SDCCAG8: variants seen among roughly 807,000 people sequenced by gnomAD.
SDCCAG8 encodes SHH signaling and ciliogenesis regulator SDCCAG8.
SDCCAG8 carries 74 observed loss-of-function variants against 101.8 expected under a neutral mutation model. The ratio of observed to expected loss-of-function variants is 0.73; its 90% CI spans 0.60 to 0.88. The LOEUF (loss-of-function observed/expected upper bound fraction) is 0.88. SDCCAG8 is among the 40% of genes least tolerant of loss of function. The pLI is 0.00. For synonymous variants in SDCCAG8, 281 were observed against 292.9 expected (o/e 0.96, Z 0.41); for missense variants, 787 against 822.6 (o/e 0.96, Z 0.53).
At chr1:243,319,523 G>A (rs997854376) in intron 9 of SDCCAG8, among the ~76,000 whole-genome samples, 18 of 151,986 alleles carry the variant, frequency 1.2e-4, no homozygotes, top group African/African-American at 1.9e-4. Flanking sequence ...ACAGGCATGC[G>A]CCACCATGCC....
In SDCCAG8 at chr1:243,364,508, A is replaced by G. The variant is rs377701067; in HGVS notation, c.1474-14213A>G. 4.9e-4 allele frequency among the ~76,000 whole-genome samples: 74 copies of G among 152,290 alleles called. 1 individual carries two copies. Among genetic ancestry groups the G allele is most frequent in the African/African-American group, 1.7e-3 (71 of 41,572 alleles). On this transcript the variant is annotated intron_variant, in intron 12 of 17. Coordinates refer to ENST00000366541, the MANE Select transcript of SDCCAG8 (RefSeq NM_006642.5). ...CACCAAGGAGTAACAGAAACTGGGT[A>G]GGTAGGTAGGTAGAGAGAGGTGACC...
intron 6 of SDCCAG8, among the ~76,000 whole-genome samples, chr1:243,296,444 T>G (rs2070884720): frequency 6.6e-6 from 1 of 152,026 alleles, no homozygotes; most frequent in African/African-American, 2.4e-5. Context: ...CAAGCAGTTG[T>G]CTATATTTAT....
Position 243,474,670 on chromosome 1 carries a change from G to T in SDCCAG8, c.1986-14344G>T, listed in dbSNP as rs1486458822. 1.3e-5 allele frequency among the ~76,000 whole-genome samples: 2 copies of T among 152,222 alleles called. No individual in the cohort carries two copies. Among genetic ancestry groups the T allele is most frequent in the Non-Finnish European group, 2.9e-5 (2 of 68,038 alleles). On this transcript the variant is annotated intron_variant, in intron 16 of 17. Coordinates refer to ENST00000366541, the MANE Select transcript of SDCCAG8 (RefSeq NM_006642.5). The surrounding 1 kb of genome is among the most constrained non-coding windows in gnomAD (Gnocchi z 4.7). ...AGGCGCACGTGGAGCCCTGCGGTCT[G>T]TTCCACCTGCAGAGGCACAATTGCC...
intron 9 of SDCCAG8, among the ~76,000 whole-genome samples, chr1:243,320,678 A>T (rs1036980756): frequency 6.6e-6 from 1 of 152,136 alleles, no homozygotes; most frequent in African/African-American, 2.4e-5. Flanking sequence ...TCATCTGTAA[A>T]ATGGAGAAAT....
chr1:243,409,670 C>A (rs1055867211), intron 13 of SDCCAG8, among the ~76,000 whole-genome samples: 6 of 152,106 alleles, frequency 3.9e-5, no homozygotes, highest in African/African-American at 1.4e-4. Flanking sequence ...GTAGGAACCA[C>A]CTTGAAAGGG....
intron 16 of SDCCAG8, among the ~76,000 whole-genome samples, chr1:243,428,369 G>T (rs1232173308): frequency 6.6e-6 from 1 of 152,128 alleles, no homozygotes; most frequent in African/African-American, 2.4e-5. Context: ...CACTCTAATG[G>T]AGTATACATC....
intron 10 of SDCCAG8, among the ~76,000 whole-genome samples, chr1:243,338,086 A>G (rs2075134851): frequency 6.6e-6 from 1 of 151,874 alleles, no homozygotes; most frequent in Non-Finnish European, 1.5e-5. Flanking sequence ...TTGCCTGGCT[A>G]ACTAAAAAAA....
intron 3 of SDCCAG8, 100 bp downstream of exon 3, chr1:243,271,163 C>A: frequency 1.3e-6 from 1 of 792,690 alleles, no homozygotes; most frequent in Non-Finnish European, 2.2e-6. Flanking sequence ...GCATGGCATA[C>A]TAATAGTGAA....
Position 243,424,345 on chromosome 1 carries a change from T to A in SDCCAG8, c.1854-2082T>A, listed in dbSNP as rs183050745. On this transcript the variant is annotated intron_variant, in intron 15 of 17. Transcript: ENST00000366541. ...ACATCTACATTTTGTTTTATTATGA[T>A]TTTTTTCAAAATCAGAATGAATTTA... Among the ~76,000 whole-genome samples, 123 of 152,086 alleles carry A rather than the reference T, an allele frequency of 8.1e-4. 1 individual carries two copies. Among genetic ancestry groups the A allele is most frequent in the Non-Finnish European group, 1.6e-3 (112 of 67,890 alleles).
intron 17 of SDCCAG8, among the ~76,000 whole-genome samples, chr1:243,492,355 A>G (rs1666698652): frequency 8.6e-6 from 1 of 116,866 alleles, no homozygotes; most frequent in Admixed American, 1.3e-4. Context: ...GGACTGGAGT[A>G]CAGTGGTGCA....
At chr1:243,326,734 A>T (rs2074176106) in intron 9 of SDCCAG8, among the ~76,000 whole-genome samples, 2 of 152,204 alleles carry the variant, frequency 1.3e-5, no homozygotes, top group Admixed American at 1.3e-4. Context: ...ATTTTTCATA[A>T]GATCTTAATT....
At position 243,403,561 on chromosome 1, in the gene SDCCAG8, C is replaced by T. The variant is rs567043312; in HGVS notation, c.1617-12141C>T. Among the ~76,000 whole-genome samples the T allele has an allele frequency of 1.5e-3, 234 of 152,252 alleles. 1 individual carries two copies. The highest frequency in any genetic ancestry group is 2.4e-3 in the Non-Finnish European group (166 of 68,012). ...TATTTTTCATTCAAGAAAACTGAGT[C>T]GTAGGTTATGTGACTTACTTAGAGC... is the stretch of plus-strand genomic sequence containing the variant. On this transcript the variant is annotated intron_variant, in intron 13 of 17. Coordinates refer to ENST00000366541, the MANE Select transcript of SDCCAG8 (RefSeq NM_006642.5).
At chr1:243,304,638 A>C in intron 6 of SDCCAG8, 75 bp from the exon 7 acceptor site, 1 of 780,014 alleles carries the variant, frequency 1.3e-6, no homozygotes, top group Non-Finnish European at 2.1e-6. Flanking sequence ...AATTGAGTTT[A>C]ATATTAAAAA....
chr1:243,453,279 G>A (rs1422702938), intron 16 of SDCCAG8, among the ~76,000 whole-genome samples: 7 of 152,236 alleles, frequency 4.6e-5, no homozygotes, highest in South Asian at 2.1e-4. Context: ...TGCAGTGGCT[G>A]GTAAATTACA....
At chr1:243,485,427 G>A (rs1664589040) in intron 16 of SDCCAG8, among the ~76,000 whole-genome samples, 1 of 152,164 alleles carries the variant, frequency 6.6e-6, no homozygotes, top group South Asian at 2.1e-4. Flanking sequence ...GTGGGTGGAT[G>A]AAGAGGTGAA....
chr1:243,314,078 A>C (rs72759811), intron 8 of SDCCAG8, among the ~76,000 whole-genome samples: 460 of 152,350 alleles, frequency 3.0e-3, no homozygotes, highest in South Asian at 7.0e-3. Context: ...GAGTCAAAAC[A>C]AAACCAAACC....
At chr1:243,330,717 C>T (rs1254820427) in intron 10 of SDCCAG8, 25 bp downstream of exon 10, 1 of 1,613,034 alleles carries the variant, frequency 6.2e-7, no homozygotes, top group Non-Finnish European at 8.5e-7. Flanking sequence ...TGCTGTTATC[C>T]ACATTGCAGA....
At chr1:243,269,951 C>A in intron 1 of SDCCAG8, 154 bp from the exon 2 acceptor site, 1 of 1,004,624 alleles carries the variant, frequency 1.0e-6, no homozygotes, top group Non-Finnish European at 1.5e-6. Context: ...CCATCTTTGG[C>A]ACATCCCTCA....
At chr1:243,472,049 C>A (rs1304843593) in intron 16 of SDCCAG8, among the ~76,000 whole-genome samples, 4 of 152,202 alleles carry the variant, frequency 2.6e-5, no homozygotes, top group South Asian at 2.1e-4. Context: ...TAGAACAGAT[C>A]TGGTGAGTTT....
Sources: gnomAD v4.1 joint callset for allele counts (sites outside exome capture counted in the v4.1 genomes callset) on GRCh38, gnomAD v4.1.1 for gene constraint, Gnocchi (gnomAD v3.1) non-coding constraint, MANE v1.5 for transcripts, NCBI Gene and HGNC (gene_info 2026-07-23, HGNC 2026-07-21) for gene names.